Variants in UNC13C observed in about 807,000 individuals in gnomAD.
The protein encoded by UNC13C is protein unc-13 homolog C.
Under a neutral mutation model 245.4 loss-of-function variants are expected in UNC13C, and 174 were observed. The ratio of observed to expected loss-of-function variants is 0.71; its 90% CI spans 0.63 to 0.80. The LOEUF (loss-of-function observed/expected upper bound fraction) is 0.80, where lower values mean the gene tolerates loss of function less well. UNC13C is among the 30% of genes least tolerant of loss of function. The pLI, the probability that UNC13C is intolerant of heterozygous loss-of-function variation, is 0.00. For synonymous variants in UNC13C, 992 were observed against 895.1 expected (o/e 1.11, Z -1.93); for missense variants, 2,829 against 2,602.9 (o/e 1.09, Z -1.89).
intron 10 of UNC13C, among the ~76,000 whole-genome samples, chr15:54,276,406 T>A (rs1361806672): frequency 6.6e-6 from 1 of 152,090 alleles, no homozygotes; most frequent in East Asian, 1.9e-4. Context: ...AAATTCAAGA[T>A]GATATAAAAT....
intron 18 of UNC13C, among the ~76,000 whole-genome samples, chr15:54,408,750 C>T (rs1268456695): frequency 6.6e-6 from 1 of 152,156 alleles, no homozygotes; most frequent in Non-Finnish European, 1.5e-5. Flanking sequence ...TAATCTTTCA[C>T]ACATATAAAC....
intron 19 of UNC13C, among the ~76,000 whole-genome samples, chr15:54,431,605 G>A (rs2040875086): frequency 1.3e-5 from 2 of 151,640 alleles, no homozygotes; most frequent in African/African-American, 4.8e-5. Context: ...TGCAGTCTAT[G>A]TAATATGAAT....
chr15:54,182,633 C>G (rs10162851), intron 4 of UNC13C, among the ~76,000 whole-genome samples: 12,848 of 152,004 alleles, frequency 0.085, 760 homozygotes, highest in African/African-American at 0.16. Flanking sequence ...GCAAATCTAT[C>G]TCAACCTGGG....
the UNC13C span, among the ~76,000 whole-genome samples, chr15:53,853,881 ACT>A: frequency 6.6e-6 from 1 of 152,068 alleles, no homozygotes; most frequent in South Asian, 2.1e-4. Context: ...TTCCTTGTAG[ACT>A]CTGGATATTA....
chr15:54,631,139 A>C (rs981878838), downstream of UNC13C: 1 of 152,168 alleles, frequency 6.6e-6, no homozygotes, highest in South Asian at 2.1e-4. Flanking sequence ...TGAGCTTAGA[A>C]GTTCGAGACC....
chr15:54,265,643 C>G (rs529402599), intron 10 of UNC13C, 147 bp downstream of exon 10: 3 of 536,332 alleles, frequency 5.6e-6, no homozygotes, highest in East Asian at 3.2e-5. Flanking sequence ...GTTATAAACT[C>G]CTTCAATACT....
chr15:54,427,089 T>A, intron 19 of UNC13C, among the ~76,000 whole-genome samples: 1 of 151,832 alleles, frequency 6.6e-6, no homozygotes, highest in Non-Finnish European at 1.5e-5. Context: ...CATAACATTT[T>A]ACAAATACCA....
chr15:53,966,437 A>G, the UNC13C span, among the ~76,000 whole-genome samples: 1 of 152,302 alleles, frequency 6.6e-6, no homozygotes, highest in East Asian at 1.9e-4. Flanking sequence ...AGATATCACA[A>G]GAATAATATT....
chr15:54,261,592 C>T (rs567447350), intron 8 of UNC13C, among the ~76,000 whole-genome samples: 1 of 152,128 alleles, frequency 6.6e-6, no homozygotes, highest in African/African-American at 2.4e-5. Flanking sequence ...GCCCAGGCTG[C>T]GGTGCAGTGG....
intron 2 of UNC13C, among the ~76,000 whole-genome samples, chr15:54,042,859 GAAAAAGAAA>G (rs1023786309): frequency 3.7e-5 from 2 of 53,808 alleles, no homozygotes; most frequent in Non-Finnish European, 1.1e-4. Context: ...TCTCAGAAAA[GAAAAAGAAA>G]AAGAAAAAGA....
At chr15:54,577,326 T>C (rs1897998678) in intron 30 of UNC13C, among the ~76,000 whole-genome samples, 1 of 152,174 alleles carries the variant, frequency 6.6e-6, no homozygotes, top group African/African-American at 2.4e-5. Flanking sequence ...GAAAGATCCA[T>C]TTATCCTTTC....
At chr15:54,111,960 G>A (rs1350677371) in intron 2 of UNC13C, among the ~76,000 whole-genome samples, 2 of 152,208 alleles carry the variant, frequency 1.3e-5, no homozygotes, top group African/African-American at 4.8e-5. Context: ...CACAGAGGTT[G>A]AGGCTAGGAT....
the UNC13C span, among the ~76,000 whole-genome samples, chr15:53,940,212 G>A: frequency 9.2e-5 from 14 of 152,192 alleles, no homozygotes; most frequent in South Asian, 4.2e-4. Flanking sequence ...AGAGGTTTGC[G>A]GGGAGTGTTG....
At chr15:54,139,507 G>T (rs1258203722) in intron 2 of UNC13C, among the ~76,000 whole-genome samples, 1 of 152,118 alleles carries the variant, frequency 6.6e-6, no homozygotes, top group Non-Finnish European at 1.5e-5. Flanking sequence ...ACAGTGTATT[G>T]ATAGACATGT....
intron 17 of UNC13C, 27 bp from the exon 18 acceptor site, chr15:54,393,021 T>C: frequency 6.5e-7 from 1 of 1,545,718 alleles, no homozygotes; most frequent in Non-Finnish European, 8.7e-7. Flanking sequence ...ACCTTTTCTT[T>C]TGCATGTTGC....
the UNC13C span, among the ~76,000 whole-genome samples, chr15:53,852,984 C>T: frequency 6.6e-6 from 1 of 151,810 alleles, no homozygotes; most frequent in East Asian, 1.9e-4. Flanking sequence ...TCCTCCCCCA[C>T]CCACTTAAGG....
At chr15:54,348,677 C>G (rs977677821) in intron 17 of UNC13C, among the ~76,000 whole-genome samples, 2 of 152,106 alleles carry the variant, frequency 1.3e-5, no homozygotes, top group African/African-American at 4.8e-5. Context: ...GTGGATGTAT[C>G]TTTCTCAGTT....
In UNC13C at chr15:54,579,867, G is replaced by A. The variant is rs545396032; in HGVS notation, c.6106+11920G>A. Among the ~76,000 whole-genome samples, 26 of 152,336 alleles carry A rather than the reference G, an allele frequency of 1.7e-4. No homozygotes were observed. In the East Asian group the frequency reaches 3.9e-3, roughly 23 times the overall value. On this transcript the variant is annotated intron_variant, in intron 30 of 32. Coordinates refer to ENST00000260323, the MANE Select transcript of UNC13C (RefSeq NM_001080534.3). ...CCCACATGTTATTGTATAATGCACC[G>A]ATTAAAATTAAGTGCCGAGTTAATG...
At chr15:54,115,908 C>T (rs192714999) in intron 2 of UNC13C, among the ~76,000 whole-genome samples, 35 of 152,092 alleles carry the variant, frequency 2.3e-4, no homozygotes, top group Non-Finnish European at 4.1e-4. Flanking sequence ...CAGCAATAGA[C>T]GCATAGAAGA....
Sources: allele counts gnomAD v4.1 joint callset (sites outside exome capture counted in the v4.1 genomes callset), GRCh38; gene constraint gnomAD v4.1.1; transcripts MANE v1.5; gene names NCBI Gene and HGNC (gene_info 2026-07-23, HGNC 2026-07-21).